CPM: variants seen among roughly 807,000 people sequenced by gnomAD.
CPM encodes renal carboxypeptidase.
CPM carries 35 observed loss-of-function variants against 46.4 expected under a neutral mutation model. The ratio of observed to expected loss-of-function variants is 0.75; its 90% CI spans 0.58 to 1.00. CPM has a LOEUF of 1.00. Among genes scored for constraint, CPM ranks in the 50% least tolerant of loss-of-function variants. CPM has a pLI of 0.00. For missense variants in CPM, 422 were observed against 530.4 expected, an observed-to-expected ratio of 0.80 and a Z score of 2.01; for synonymous variants, 195 against 195.3, an observed-to-expected ratio of 1.00 and a Z score of 0.01.
chr12:68,847,267 G>A (rs1884383621), downstream of CPM: 1 of 137,418 alleles, frequency 7.3e-6, no homozygotes, highest in Non-Finnish European at 1.5e-5. Context: ...TGAACTCCTG[G>A]GCTCAAGCAA....
chr12:68,955,265 T>C (rs1230019651), intron 1 of CPM, among the ~76,000 whole-genome samples: 3 of 152,172 alleles, frequency 2.0e-5, no homozygotes, highest in Admixed American at 2.0e-4. Context: ...CGCTTAGTGA[T>C]TGTGGATATA....
At chr12:68,869,581 C>T in intron 5 of CPM, 86 bp from the exon 6 acceptor site, 1 of 1,176,022 alleles carries the variant, frequency 8.5e-7, no homozygotes, top group African/African-American at 1.5e-5. Flanking sequence ...GACATAATCG[C>T]ATCACACACA....
At chr12:68,955,039 G>T (rs989218347) in intron 1 of CPM, among the ~76,000 whole-genome samples, 4 of 152,178 alleles carry the variant, frequency 2.6e-5, no homozygotes, top group African/African-American at 9.7e-5. Flanking sequence ...CCCTGCGCTT[G>T]CTTGCCCACA....
intron 2 of CPM, among the ~76,000 whole-genome samples, chr12:68,910,909 T>C (rs1419825144): frequency 6.6e-6 from 1 of 152,164 alleles, no homozygotes; most frequent in Non-Finnish European, 1.5e-5. Flanking sequence ...ACATTATCGT[T>C]AAACATGATT....
In CPM at chr12:68,856,075, C is replaced by T; in HGVS notation, c.*362G>A. 1 of 218,940 alleles carries T rather than the reference C, an allele frequency of 4.6e-6. No individual in the cohort carries two copies. The highest frequency in any genetic ancestry group is 9.2e-6 in the Non-Finnish European group (1 of 108,878). The allele number at this position is 218,940 out of a possible 1,614,324, so 13.6% of individuals were successfully genotyped here. On this transcript the variant is annotated 3_prime_UTR_variant, in exon 9 of 9. Transcript: ENST00000551568. ...ATGTAGAAGATCAATAAATGTTCAT[C>T]TTCATTGCTTATATTCATCCGGTTC... is the stretch of plus-strand genomic sequence containing the variant.
In CPM at chr12:68,851,937, A is replaced by C. The variant is rs1884710095; in HGVS notation, c.*4500T>G. ...ATCAACTGTATTGTTACCATATAGA[A>C]TAACAACCAGACTTCTCAATAAGCA... On this transcript the variant is annotated 3_prime_UTR_variant, in exon 9 of 9. Transcript: ENST00000551568. 1 of 152,246 alleles carries C rather than the reference A, an allele frequency of 6.6e-6. No homozygotes were observed. The highest frequency in any genetic ancestry group is 2.1e-4 in the South Asian group (1 of 4,830). 9.4% of individuals were successfully genotyped at this position (152,246 alleles called of 1,614,324 possible). A position where few individuals can be genotyped will look rare whatever the true frequency, so the allele number is the denominator to read the frequency against.
chr12:68,962,488 A>G (rs1483129291), intron 1 of CPM, among the ~76,000 whole-genome samples: 1 of 152,196 alleles, frequency 6.6e-6, no homozygotes, highest in Non-Finnish European at 1.5e-5. Flanking sequence ...CCTAGAAACC[A>G]GAACCCCTTT....
chr12:68,931,744 CAAAAAAAAAAAA>C (rs1230893187), intron 2 of CPM, among the ~76,000 whole-genome samples: 1 of 36,202 alleles, frequency 2.8e-5, no homozygotes, highest in Non-Finnish European at 5.6e-5. Context: ...AGACTCTGAC[CAAAAAAAAAAAA>C]AAAAAAAAAA....
At chr12:68,918,397 C>A (rs1270498188) in intron 2 of CPM, among the ~76,000 whole-genome samples, 3 of 152,140 alleles carry the variant, frequency 2.0e-5, no homozygotes, top group African/African-American at 7.2e-5. Flanking sequence ...ACTTATATAC[C>A]CAACCGTCTC....
chr12:68,858,798 C>T, intron 8 of CPM, 125 bp downstream of exon 8: 1 of 472,762 alleles, frequency 2.1e-6, no homozygotes, highest in East Asian at 3.7e-5. Flanking sequence ...CTGACACTAT[C>T]CTTTCTTTCT....
intron 2 of CPM, among the ~76,000 whole-genome samples, chr12:68,902,068 C>T (rs1887137946): frequency 6.6e-6 from 1 of 152,192 alleles, no homozygotes; most frequent in African/African-American, 2.4e-5. Flanking sequence ...GAAATCATAA[C>T]ACATACTTGA....
intron 5 of CPM, chr12:68,846,143 TG>T (rs1418719157): frequency 6.6e-6 from 1 of 152,152 alleles, no homozygotes; most frequent in South Asian, 2.1e-4. Context: ...TTAGTAGAGA[TG>T]GGGTTTCAGC....
intron 3 of CPM, among the ~76,000 whole-genome samples, chr12:68,882,883 C>A (rs911137633): frequency 1.3e-5 from 2 of 152,152 alleles, no homozygotes; most frequent in East Asian, 3.8e-4. Context: ...AGACCCAATT[C>A]TAAAACAAGG....
intron 1 of CPM, among the ~76,000 whole-genome samples, chr12:68,942,903 A>G (rs1441792477): frequency 1.3e-5 from 2 of 152,218 alleles, no homozygotes; most frequent in Non-Finnish European, 2.9e-5. Flanking sequence ...ATGCCCTAAC[A>G]CATCAGCTGA....
intron 1 of CPM, chr12:68,963,120 G>A (rs1161318060): frequency 6.5e-6 from 1 of 153,670 alleles, no homozygotes; most frequent in African/African-American, 2.4e-5. Context: ...ATATACTTTT[G>A]GTTTACATTC....
chr12:68,932,733 A>C lies in CPM; in HGVS notation c.105T>G (p.Val35=). ...QEGMEAFLKT[V]AQNYSSVTHL... ...GAGTGACAGAACTGTAGTTTTGGGC[A>C]ACAGTCTTCAAAAACGCTTCCATCC... Residue 35 remains valine, a synonymous_variant, in exon 2 of 9, where the codon GTT becomes GTG. Transcript: ENST00000551568. The C allele has an allele frequency of 6.2e-7, 1 of 1,614,212 alleles. No individual in the cohort carries two copies. Among genetic ancestry groups the C allele is most frequent in the Non-Finnish European group, 8.5e-7 (1 of 1,180,020 alleles).
chr12:68,844,171 A>T (rs1204645051), intron 5 of CPM: 2 of 208,248 alleles, frequency 9.6e-6, no homozygotes, highest in Non-Finnish European at 2.0e-5. Context: ...AAAATAAATG[A>T]TTAAGAATTG....
intron 7 of CPM, 72 bp downstream of exon 7, chr12:68,866,824 T>C (rs1885470255): frequency 7.7e-7 from 1 of 1,301,748 alleles, no homozygotes; most frequent in Non-Finnish European, 1.1e-6. Flanking sequence ...GGCTTGCGTT[T>C]AGTCAACCCA....
chr12:68,947,243 A>G (rs1020706888), intron 1 of CPM, among the ~76,000 whole-genome samples: 2 of 152,204 alleles, frequency 1.3e-5, no homozygotes, highest in African/African-American at 4.8e-5. Flanking sequence ...GGCAGAGGAA[A>G]TAGTATGTTT....
Sources: gnomAD v4.1 joint callset for allele counts (sites outside exome capture counted in the v4.1 genomes callset) on GRCh38, gnomAD v4.1.1 for gene constraint, MANE v1.5 for transcripts, NCBI Gene and HGNC (gene_info 2026-07-23, HGNC 2026-07-21) for gene names.